The following CFAP47 variants were observed in gnomAD, a reference collection of about 807,000 sequenced individuals.
CFAP47 encodes the protein cilia and flagella associated protein 47, also known as cilia- and flagella-associated protein 47.
A neutral mutation model predicts 148.1 loss-of-function variants in CFAP47; 29 were observed. The ratio of observed to expected loss-of-function variants is 0.20; its 90% CI spans 0.15 to 0.27. The LOEUF (loss-of-function observed/expected upper bound fraction) is 0.27. CFAP47 is among the 10% of genes least tolerant of loss of function. CFAP47 has a pLI of 1.00. For synonymous variants in CFAP47, 664 were observed against 577.3 expected (o/e 1.15, Z -2.15); for missense variants, 1,872 against 1,697.5 (o/e 1.10, Z -1.81).
chrX:36,302,730 A>G lies in CFAP47; in HGVS notation c.7971-1119A>G, dbSNP rs782806782. On this transcript the variant is annotated intron_variant, in intron 53 of 63. Coordinates refer to ENST00000378653, the MANE Select transcript of CFAP47 (RefSeq NM_001304548.2). ...TTGTTTAGAGCATAAATAGTCACAT[A>G]TTTTGGGCATTTACTCATCATCAAT... 7.9e-4 allele frequency among the ~76,000 whole-genome samples: 88 copies of G among 112,062 alleles called. 2 individuals are homozygous for G. In the Admixed American group the frequency reaches 8.3e-3, roughly 11 times the overall value.
At position 35,954,809 on chromosome X, in the gene CFAP47, T is replaced by A. The variant is rs1447493352; in HGVS notation, c.1174+1090T>A. The stretch of plus-strand genomic sequence containing the variant: ...TTGTCCATTATTCTAATTATTCTTT[T>A]TCATGTGCACTTATATCTGTTGGTC... On this transcript the variant is annotated intron_variant, in intron 7 of 63. Coordinates refer to ENST00000378653, the MANE Select transcript of CFAP47 (RefSeq NM_001304548.2). Among the ~76,000 whole-genome samples the A allele has an allele frequency of 3.6e-5, 4 of 112,228 alleles. No homozygotes were observed. In the East Asian group the frequency reaches 1.1e-3, roughly 31 times the overall value.
In CFAP47 at chrX:36,046,697, A is replaced by G. The variant is rs139775610; in HGVS notation, c.4008-157A>G. On this transcript the variant is annotated intron_variant, in intron 25 of 63. Transcript: ENST00000378653. ...CCATCTTATATTGTGATCAGAAAATAAGAGATGATACAAAGATATCTTTAA... is the reference window on the plus strand; with the variant it reads ...CCATCTTATATTGTGATCAGAAAATGAGAGATGATACAAAGATATCTTTAA... 9.7e-3 allele frequency among the ~76,000 whole-genome samples: 1,085 copies of G among 112,158 alleles called. 6 individuals carry two copies. The highest frequency in any genetic ancestry group is 0.034 in the Middle Eastern group (7 of 205).
At chrX:35,940,221 A>G (rs1000030327) in intron 2 of CFAP47, among the ~76,000 whole-genome samples, 1 of 111,196 alleles carries the variant, frequency 9.0e-6, no homozygotes, top group Non-Finnish European at 1.9e-5. Context: ...GTAGGTTGCA[A>G]AAATTTTCTC....
chrX:36,377,133 A>G (rs1942031395), intron 62 of CFAP47, among the ~76,000 whole-genome samples: 1 of 111,495 alleles, frequency 9.0e-6, no homozygotes, highest in African/African-American at 3.3e-5. Flanking sequence ...CTTTGGGTAT[A>G]TATCCAGTAA....
intron 29 of CFAP47, 34 bp from the exon 30 acceptor site, chrX:36,085,280 A>C: frequency 2.2e-6 from 2 of 911,146 alleles, no homozygotes; most frequent in Non-Finnish European, 3.2e-6. Flanking sequence ...TAACATTTTG[A>C]GACTGTTTTT....
At chrX:36,332,032 T>TA (rs1941568909) in intron 57 of CFAP47, among the ~76,000 whole-genome samples, 1 of 112,199 alleles carries the variant, frequency 8.9e-6, no homozygotes. Flanking sequence ...AGTTCTGTTT[T>TA]ATGATAAACA....
chrX:36,171,756 G>A (rs759012687), intron 39 of CFAP47, among the ~76,000 whole-genome samples: 155 of 111,569 alleles, frequency 1.4e-3, no homozygotes, highest in Non-Finnish European at 2.4e-3. Context: ...TGTTCTTTTG[G>A]CTCAGGATTG....
chrX:36,289,299 C>A (rs1198120461), intron 51 of CFAP47, among the ~76,000 whole-genome samples: 1 of 110,630 alleles, frequency 9.0e-6, no homozygotes, highest in African/African-American at 3.3e-5. Flanking sequence ...CCACCGCACC[C>A]GGGCCTCTTT....
intron 39 of CFAP47, among the ~76,000 whole-genome samples, chrX:36,168,884 T>A (rs1939527942): frequency 1.8e-5 from 2 of 112,677 alleles, no homozygotes; most frequent in Admixed American, 1.9e-4. Context: ...TGTCCTTTTA[T>A]CTCAGCTGAA....
intron 2 of CFAP47, among the ~76,000 whole-genome samples, chrX:35,928,445 C>A (rs1935778272): frequency 8.9e-6 from 1 of 111,777 alleles, no homozygotes; most frequent in Non-Finnish European, 1.9e-5. Flanking sequence ...TCTTTGCCAT[C>A]TGAGTACCCT....
chrX:36,368,046 T>C (rs1941895714), intron 62 of CFAP47: 2 of 111,263 alleles, frequency 1.8e-5, no homozygotes, highest in African/African-American at 6.5e-5. Flanking sequence ...TGCCAGGTGA[T>C]GCAAGGCTTT....
At chrX:36,260,383 C>G (rs1940803319) in intron 49 of CFAP47, among the ~76,000 whole-genome samples, 1 of 111,947 alleles carries the variant, frequency 8.9e-6, no homozygotes, top group Non-Finnish European at 1.9e-5. Context: ...ACCTCGCTAG[C>G]ATCTATTATT....
chrX:36,253,949 T>C (rs1940720673), intron 49 of CFAP47, among the ~76,000 whole-genome samples: 1 of 111,894 alleles, frequency 8.9e-6, no homozygotes, highest in East Asian at 2.8e-4. Flanking sequence ...TCAGGTGTCC[T>C]TTCTGGTTGG....
chrX:36,103,589 G>A lies in CFAP47; in HGVS notation c.5128-910G>A, dbSNP rs10522033. Among the ~76,000 whole-genome samples, 1,022 of 105,392 alleles carry A rather than the reference G, an allele frequency of 9.7e-3. 9 individuals are homozygous for A. The highest frequency in any genetic ancestry group is 0.034 in the African/African-American group (983 of 28,739). 91.5% of individuals were successfully genotyped at this position (105,392 alleles called of 115,157 possible). On this transcript the variant is annotated intron_variant, in intron 32 of 63. Transcript: ENST00000378653. ...TAAGCAAGCTTCAGAATGTAAAGGT[G>A]GAACTAAGGAGATATGAGCAGGGTA... is the stretch of plus-strand genomic sequence containing the variant.
intron 47 of CFAP47, 58 bp downstream of exon 47, chrX:36,236,135 C>T: frequency 2.6e-6 from 1 of 387,647 alleles, no homozygotes; most frequent in South Asian, 6.8e-5. Flanking sequence ...AGTTAATAAA[C>T]TAATGTATGA....
At chrX:36,151,784 G>C (rs1331815788) in intron 37 of CFAP47, among the ~76,000 whole-genome samples, 1 of 111,907 alleles carries the variant, frequency 8.9e-6, no homozygotes, top group African/African-American at 3.2e-5. Flanking sequence ...ATATAATTGT[G>C]TCTTAGTCTG....
chrX:36,056,205 A>G (rs1442756953), intron 26 of CFAP47, among the ~76,000 whole-genome samples: 1 of 111,794 alleles, frequency 8.9e-6, no homozygotes, highest in Admixed American at 9.6e-5. Context: ...GGATGAAACC[A>G]TAACTTTAAA....
At chrX:36,333,631 G>A (rs1483979470) in intron 57 of CFAP47, among the ~76,000 whole-genome samples, 1 of 111,270 alleles carries the variant, frequency 9.0e-6, no homozygotes, top group East Asian at 2.8e-4. Context: ...TATAACTCTT[G>A]TACTTTCCCT....
chrX:36,161,702 T>C (rs1939432858), intron 39 of CFAP47, among the ~76,000 whole-genome samples: 2 of 112,091 alleles, frequency 1.8e-5, no homozygotes, highest in African/African-American at 3.2e-5. Context: ...GATACTTATA[T>C]TGAAACTGGA....
Sources: allele counts gnomAD v4.1 joint callset (sites outside exome capture counted in the v4.1 genomes callset), GRCh38; gene constraint gnomAD v4.1.1; transcripts MANE v1.5; gene names NCBI Gene and HGNC (gene_info 2026-07-23, HGNC 2026-07-21).